CUX2: variants seen among roughly 807,000 people sequenced by gnomAD.
The protein encoded by CUX2 is homeobox protein cut-like 2.
Under a neutral mutation model 144.8 loss-of-function variants are expected in CUX2, and 40 were observed. That is an observed-to-expected ratio of 0.28 (90% CI 0.21 to 0.36). The LOEUF (loss-of-function observed/expected upper bound fraction) is 0.36, where lower values mean the gene tolerates loss of function less well. CUX2 is among the 10% of genes least tolerant of loss of function. The pLI is 1.00. For missense variants in CUX2, 1,615 were observed against 1,994.0 expected (o/e 0.81, Z 3.62); for synonymous variants, 827 against 875.6 (o/e 0.94, Z 0.98).
At chr12:111,062,256 T>C (rs78646786) in intron 1 of CUX2, among the ~76,000 whole-genome samples, 6,864 of 151,972 alleles carry the variant, frequency 0.045, 539 homozygotes, top group African/African-American at 0.16. Flanking sequence ...ATGTGTATCA[T>C]ACACTCACAC....
At chr12:111,096,721 T>G (rs1872838572) in intron 1 of CUX2, among the ~76,000 whole-genome samples, 1 of 152,180 alleles carries the variant, frequency 6.6e-6, no homozygotes, top group African/African-American at 2.4e-5. Context: ...TAGTAGGCTG[T>G]AATCCCAACA....
At chr12:111,339,114 C>T (rs943664693) in intron 20 of CUX2, among the ~76,000 whole-genome samples, 2 of 151,756 alleles carry the variant, frequency 1.3e-5, no homozygotes, top group African/African-American at 4.8e-5. Flanking sequence ...CACCTGTAAT[C>T]GCAGCTACTT....
chr12:111,090,886 C>T (rs901088327), intron 1 of CUX2, among the ~76,000 whole-genome samples: 2 of 152,048 alleles, frequency 1.3e-5, no homozygotes, highest in African/African-American at 4.8e-5. Context: ...AGGAGAGGCA[C>T]TGAGAAACAA....
At chr12:111,101,244 A>C (rs772068212) in intron 1 of CUX2, among the ~76,000 whole-genome samples, 1 of 151,834 alleles carries the variant, frequency 6.6e-6, no homozygotes, top group African/African-American at 2.4e-5. Flanking sequence ...CCTGGGATGC[A>C]CCTTCCAGGA....
intron 1 of CUX2, among the ~76,000 whole-genome samples, chr12:111,145,324 G>T (rs146515924): frequency 1.3e-5 from 2 of 152,306 alleles, no homozygotes; most frequent in Non-Finnish European, 2.9e-5. Context: ...GTATTCAGCT[G>T]CAAGTAACTG....
chr12:111,129,655 CT>C (rs1396700393), intron 1 of CUX2, among the ~76,000 whole-genome samples: 7 of 152,232 alleles, frequency 4.6e-5, no homozygotes, highest in Admixed American at 3.3e-4. Context: ...GTCACCACCC[CT>C]GATCTTTCTA....
intron 18 of CUX2, among the ~76,000 whole-genome samples, chr12:111,329,821 G>A (rs1888010746): frequency 1.3e-5 from 2 of 152,148 alleles, no homozygotes; most frequent in African/African-American, 4.8e-5. Flanking sequence ...ATTTTTAGTA[G>A]AGATGGGGTT....
intron 1 of CUX2, among the ~76,000 whole-genome samples, chr12:111,045,140 A>G (rs1869933482): frequency 6.6e-6 from 1 of 152,180 alleles, no homozygotes; most frequent in African/African-American, 2.4e-5. Context: ...TCCCAGGCCC[A>G]CTGGATCATC....
At chr12:111,203,231 C>CAAAA (rs35855857) in intron 1 of CUX2, among the ~76,000 whole-genome samples, 3 of 76,538 alleles carry the variant, frequency 3.9e-5, no homozygotes, top group African/African-American at 4.7e-5. Context: ...GACTCTGTCT[C>CAAAA]AAAAAAAAAA....
chr12:111,303,743 G>A (rs755943615), intron 9 of CUX2, among the ~76,000 whole-genome samples: 26 of 152,158 alleles, frequency 1.7e-4, no homozygotes, highest in Non-Finnish European at 3.1e-4. Flanking sequence ...TGCAGATGCC[G>A]TGTCTGGGAC....
intron 1 of CUX2, among the ~76,000 whole-genome samples, chr12:111,203,961 C>T (rs984080301): frequency 6.6e-6 from 1 of 152,228 alleles, no homozygotes; most frequent in Admixed American, 6.5e-5. Context: ...CCTCCCAACT[C>T]CCAGGGCCTC....
At chr12:111,326,243 T>C in intron 18 of CUX2, among the ~76,000 whole-genome samples, 1 of 14,412 alleles carries the variant, frequency 6.9e-5, no homozygotes, top group East Asian at 2.3e-3. Context: ...AGTGTTGTGG[T>C]GGGGGAGGGG....
chr12:111,137,706 G>A (rs1875998889), intron 1 of CUX2, among the ~76,000 whole-genome samples: 1 of 151,910 alleles, frequency 6.6e-6, no homozygotes, highest in Admixed American at 6.6e-5. Flanking sequence ...ATAGAGATTG[G>A]GTCTCACTAT....
intron 1 of CUX2, among the ~76,000 whole-genome samples, chr12:111,200,243 A>G (rs761411022): frequency 2.0e-4 from 31 of 151,808 alleles, no homozygotes; most frequent in Admixed American, 4.6e-4. Context: ...CCATACCTTT[A>G]TTTACAGGGG....
chr12:111,278,718 TTTTCCAAACA>T (rs1251687774), intron 4 of CUX2, among the ~76,000 whole-genome samples: 5 of 152,114 alleles, frequency 3.3e-5, no homozygotes, highest in African/African-American at 1.2e-4. Context: ...CTGAGAAACG[TTTTCCAAACA>T]TTTTAAAGAT....
chr12:111,328,545 C>G (rs1016049154), intron 18 of CUX2, among the ~76,000 whole-genome samples: 3 of 151,868 alleles, frequency 2.0e-5, no homozygotes, highest in African/African-American at 7.3e-5. Flanking sequence ...CCCTCTGTCT[C>G]TCTCCTGATC....
intron 1 of CUX2, among the ~76,000 whole-genome samples, chr12:111,088,383 C>G (rs1213171989): frequency 6.6e-6 from 1 of 152,108 alleles, no homozygotes. Flanking sequence ...TGGGAGCTAC[C>G]ACGCCCAGCC....
At chr12:111,317,839 T>C (rs1887274763) in intron 16 of CUX2, among the ~76,000 whole-genome samples, 1 of 151,384 alleles carries the variant, frequency 6.6e-6, no homozygotes, top group Non-Finnish European at 1.5e-5. Flanking sequence ...CTACTAAAAA[T>C]ACAAAAAAAA....
chr12:111,329,889 G>A (rs1888013863), intron 18 of CUX2, among the ~76,000 whole-genome samples: 1 of 152,142 alleles, frequency 6.6e-6, no homozygotes, highest in Non-Finnish European at 1.5e-5. Context: ...CACCCGCGTT[G>A]GCCTTCCAAA....
Sources: gnomAD v4.1 joint callset for allele counts (sites outside exome capture counted in the v4.1 genomes callset) on GRCh38, gnomAD v4.1.1 for gene constraint, MANE v1.5 for transcripts, NCBI Gene and HGNC (gene_info 2026-07-23, HGNC 2026-07-21) for gene names.